The following NTRK3 variants were observed in gnomAD, a reference collection of about 807,000 sequenced individuals.
NTRK3 encodes NT-3 growth factor receptor.
NTRK3 carries 24 observed loss-of-function variants against 91.7 expected under a neutral mutation model. The observed-to-expected ratio is 0.26, with a 90% CI of 0.19 to 0.37. The LOEUF is 0.37. Among genes scored for constraint, NTRK3 ranks in the 10% least tolerant of loss-of-function variants. The pLI is 1.00. For synonymous variants in NTRK3, 483 were observed against 404.0 expected, an observed-to-expected ratio of 1.20 and a Z score of -2.34; for missense variants, 880 against 1,068.9, an observed-to-expected ratio of 0.82 and a Z score of 2.46.
intron 3 of NTRK3, among the ~76,000 whole-genome samples, chr15:88,205,523 G>C (rs903429078): frequency 6.6e-6 from 1 of 152,142 alleles, no homozygotes; most frequent in Non-Finnish European, 1.5e-5. Context: ...AACTTCTACA[G>C]ACATGAGCTC....
intron 17 of NTRK3, among the ~76,000 whole-genome samples, chr15:87,920,868 CT>C (rs2067811142): frequency 6.6e-6 from 1 of 152,094 alleles, no homozygotes; most frequent in South Asian, 2.1e-4. Context: ...TTCCACTGCC[CT>C]TAAGTAAGAC....
intron 14 of NTRK3, among the ~76,000 whole-genome samples, chr15:88,017,738 G>A (rs1415029835): frequency 5.3e-5 from 8 of 152,146 alleles, no homozygotes; most frequent in African/African-American, 1.9e-4. Flanking sequence ...CAGGCTCCCT[G>A]TGTTGATGTC....
At chr15:88,122,896 A>T (rs1410333537) in intron 13 of NTRK3, among the ~76,000 whole-genome samples, 1 of 152,164 alleles carries the variant, frequency 6.6e-6, no homozygotes, top group African/African-American at 2.4e-5. Flanking sequence ...CAATTGTCAA[A>T]TGTTGCGTGG....
intron 3 of NTRK3, among the ~76,000 whole-genome samples, chr15:88,232,017 C>T (rs1182141953): frequency 2.0e-5 from 3 of 152,162 alleles, no homozygotes; most frequent in Admixed American, 6.5e-5. Context: ...ATGCCTCAGC[C>T]CAACATTCAA....
intron 15 of NTRK3, among the ~76,000 whole-genome samples, chr15:87,937,060 C>T (rs2141989962): frequency 6.6e-6 from 1 of 152,312 alleles, no homozygotes; most frequent in Non-Finnish European, 1.5e-5. Flanking sequence ...GGCCTTTGCT[C>T]CTCCTTTTGC....
At chr15:88,006,877 G>A (rs2076531419) in intron 14 of NTRK3, among the ~76,000 whole-genome samples, 1 of 152,100 alleles carries the variant, frequency 6.6e-6, no homozygotes, top group Non-Finnish European at 1.5e-5. Flanking sequence ...CCATCAGAGA[G>A]CCACTAAGAT....
chr15:87,909,107 TCTC>T (rs2066937929), intron 17 of NTRK3, among the ~76,000 whole-genome samples: 1 of 152,094 alleles, frequency 6.6e-6, no homozygotes, highest in Admixed American at 6.5e-5. Context: ...CCAGATTCCC[TCTC>T]CTTTCCTTCC....
chr15:87,920,363 G>A (rs563095575), intron 17 of NTRK3, among the ~76,000 whole-genome samples: 3 of 152,266 alleles, frequency 2.0e-5, no homozygotes, highest in South Asian at 2.1e-4. Context: ...TGCATATCAC[G>A]ACACCCAGTC....
chr15:87,933,225 G>T (rs754472916), intron 15 of NTRK3, 41 bp from the exon 16 acceptor site: 2 of 1,601,658 alleles, frequency 1.2e-6, no homozygotes, highest in South Asian at 1.1e-5. Flanking sequence ...CAACTACAGG[G>T]CAGGGGGCTG....
chr15:87,959,100 G>C (rs536330324), intron 14 of NTRK3, among the ~76,000 whole-genome samples: 3 of 151,458 alleles, frequency 2.0e-5, no homozygotes, highest in South Asian at 4.2e-4. Flanking sequence ...GCCACTACCT[G>C]TCTGTGAACG....
chr15:88,043,376 T>A (rs2079844677), intron 13 of NTRK3, among the ~76,000 whole-genome samples: 5 of 152,238 alleles, frequency 3.3e-5, no homozygotes, highest in Admixed American at 3.3e-4. Context: ...TAAATTCAGT[T>A]CTAGCCACTA....
chr15:87,998,852 T>G (rs1335592505), intron 14 of NTRK3, among the ~76,000 whole-genome samples: 1 of 140,798 alleles, frequency 7.1e-6, no homozygotes, highest in Non-Finnish European at 1.5e-5. Context: ...CTGCCTCACA[T>G]GATGAAGTTC....
At chr15:88,165,871 GTGTA>G (rs2044885644) in intron 5 of NTRK3, among the ~76,000 whole-genome samples, 1 of 152,190 alleles carries the variant, frequency 6.6e-6, no homozygotes, top group Non-Finnish European at 1.5e-5. Context: ...GTGTGTGTGT[GTGTA>G]TGTGCACATG....
chr15:87,900,632 A>T lies in NTRK3; in HGVS notation c.2134-20204T>A, dbSNP rs535498286. Among the ~76,000 whole-genome samples, 4 of 151,874 alleles carry T rather than the reference A, an allele frequency of 2.6e-5. No homozygotes were observed. The East Asian group carries it at 7.8e-4, about 29-fold the overall frequency. On this transcript the variant is annotated intron_variant, in intron 17 of 18. Transcript: ENST00000394480. ...TCAGGACATCAAGAACACTGAACGA[A>T]AGCTCAACTCAAGGCCCTTCCTAAC...
At chr15:88,136,109 A>C in intron 8 of NTRK3, 69 bp from the exon 9 acceptor site, 1 of 1,574,698 alleles carries the variant, frequency 6.4e-7, no homozygotes, top group Non-Finnish European at 8.7e-7. Context: ...CCTAATCCCC[A>C]AATACCTTTA....
At chr15:88,037,332 T>C (rs1057480081) in intron 13 of NTRK3, among the ~76,000 whole-genome samples, 2 of 152,064 alleles carry the variant, frequency 1.3e-5, no homozygotes, top group African/African-American at 4.8e-5. Context: ...GAGGCCGAGG[T>C]GAGCAGATCA....
At chr15:88,077,774 C>G (rs1158019100) in intron 13 of NTRK3, among the ~76,000 whole-genome samples, 1 of 152,158 alleles carries the variant, frequency 6.6e-6, no homozygotes, top group Non-Finnish European at 1.5e-5. Context: ...GGGATGTGGC[C>G]CCGTTTCCTG....
intron 13 of NTRK3, among the ~76,000 whole-genome samples, chr15:88,106,909 G>T (rs1004264562): frequency 1.3e-5 from 2 of 151,260 alleles, no homozygotes; most frequent in African/African-American, 4.9e-5. Flanking sequence ...CTCCAACCTG[G>T]GAGACAGAGC....
At chr15:88,222,442 T>G (rs987403671) in intron 3 of NTRK3, among the ~76,000 whole-genome samples, 1 of 152,232 alleles carries the variant, frequency 6.6e-6, no homozygotes, top group Non-Finnish European at 1.5e-5. Flanking sequence ...TTCCTAACCC[T>G]GAAGCTGCCT....
Sources: gnomAD v4.1 joint callset for allele counts (sites outside exome capture counted in the v4.1 genomes callset) on GRCh38, gnomAD v4.1.1 for gene constraint, MANE v1.5 for transcripts, NCBI Gene and HGNC (gene_info 2026-07-23, HGNC 2026-07-21) for gene names.